Variants in ZNF441 observed in about 807,000 individuals in gnomAD.
ZNF441 encodes zinc finger protein 441.
A neutral mutation model predicts 64.5 loss-of-function variants in ZNF441; 25 were observed. The ratio of observed to expected loss-of-function variants is 0.39; its 90% CI spans 0.28 to 0.54. The LOEUF is 0.54. ZNF441 is among the 20% of genes least tolerant of loss of function. ZNF441 has a pLI of 0.70. For synonymous variants in ZNF441, 262 were observed against 268.0 expected, an observed-to-expected ratio of 0.98 and a Z score of 0.22; for missense variants, 715 against 843.3, an observed-to-expected ratio of 0.85 and a Z score of 1.88.
intron 1 of ZNF441, among the ~76,000 whole-genome samples, chr19:11,771,659 G>A (rs1184215945): frequency 6.6e-6 from 1 of 152,054 alleles, no homozygotes; most frequent in Non-Finnish European, 1.5e-5. Context: ...GGTGTGACCA[G>A]AAGACAAGTG....
At chr19:11,779,268 C>T (rs1277906694) in intron 3 of ZNF441, among the ~76,000 whole-genome samples, 1 of 150,154 alleles carries the variant, frequency 6.7e-6, no homozygotes, top group Non-Finnish European at 1.5e-5. Flanking sequence ...GCAGTAAGCC[C>T]TGTTCACATT....
Position 11,781,026 on chromosome 19 carries a change from G to C in ZNF441, c.1202G>C (p.Ser401Thr), listed in dbSNP as rs1277759282. Residue 401 changes from serine (S) to threonine (T), a missense_variant, in exon 4 of 4, where the codon AGT (serine) becomes ACT (threonine). This residue lies in a region of ZNF441 where 316 missense variants were observed against 429.3 expected (regional missense o/e 0.74). Coordinates refer to ENST00000357901, the MANE Select transcript of ZNF441 (RefSeq NM_152355.3). ...AAATGTGAATGTGGGAAAGCCTTTA[G>C]TGATTTCTATTACTTTCGAAATCAT... Reference protein sequence around the residue: ...PYKCECGKAFSDFYYFRNHET... With the variant: ...PYKCECGKAFTDFYYFRNHET... 4 of 1,613,846 alleles carry C rather than the reference G, an allele frequency of 2.5e-6. No individual in the cohort carries two copies. The East Asian group carries it at 8.9e-5, about 36-fold the overall frequency.
At position 11,782,848 on chromosome 19, in the gene ZNF441, T is replaced by C. The variant is rs753872909; in HGVS notation, c.*942T>C. The C allele has an allele frequency of 2.2e-4, 34 of 152,178 alleles. No homozygotes were observed. Among genetic ancestry groups the C allele is most frequent in the Non-Finnish European group, 2.1e-4 (14 of 68,018 alleles). 9.4% of individuals were successfully genotyped at this position (152,178 alleles called of 1,614,324 possible). Reference sequence around the variant, plus strand: ...GGACCTACTGAATCTGTAAAACTACTAGAAGAAAACATATTGAAAATACTT... The same window carrying C: ...GGACCTACTGAATCTGTAAAACTACCAGAAGAAAACATATTGAAAATACTT... On this transcript the variant is annotated 3_prime_UTR_variant, in exon 4 of 4. Coordinates refer to ENST00000357901, the MANE Select transcript of ZNF441 (RefSeq NM_152355.3).
At chr19:11,768,904 G>A (rs1024885305) in intron 1 of ZNF441, among the ~76,000 whole-genome samples, 5 of 152,196 alleles carry the variant, frequency 3.3e-5, no homozygotes, top group Non-Finnish European at 7.3e-5. Context: ...CTAAGGACAG[G>A]AAAACCAACT....
intron 3 of ZNF441, 57 bp downstream of exon 3, chr19:11,778,450 A>C (rs1975371297): frequency 1.5e-6 from 2 of 1,315,426 alleles, no homozygotes; most frequent in African/African-American, 1.5e-5. Context: ...AGTATGCCAG[A>C]AATTTTATTT....
chr19:11,768,481 T>A (rs1273489041), intron 1 of ZNF441, among the ~76,000 whole-genome samples: 1 of 152,256 alleles, frequency 6.6e-6, no homozygotes, highest in African/African-American at 2.4e-5. Context: ...GTCTTTGGAT[T>A]AAGTTTCCTC....
Position 11,767,053 on chromosome 19 carries a change from G to C in ZNF441, c.-141G>C. 7.7e-7 allele frequency: 1 copy of C among 1,298,374 alleles called. No homozygotes were observed. The highest frequency in any genetic ancestry group is 1.1e-6 in the Non-Finnish European group (1 of 934,386). The allele number at this position is 1,298,374 out of a possible 1,614,324, so 80.4% of individuals were successfully genotyped here. On this transcript the variant is annotated 5_prime_UTR_variant, in exon 1 of 4. Transcript: ENST00000357901. This position sits in a 1 kb window ranked among gnomAD's most constrained non-coding sequence, Gnocchi z 5.1. ...GTGCAAGGTTCAAAGAGCCCGCCGA[G>C]TCTTCTCCACGCCCCTGCACTGGGC...
rs760533229 is a variant in ZNF441 at position 11,780,147 on chromosome 19, G to A, written c.323G>A (p.Cys108Tyr). The A allele has an allele frequency of 1.9e-5, 30 of 1,614,180 alleles. 2 individuals carry two copies. The South Asian group carries it at 3.2e-4, about 17-fold the overall frequency. ...PGVDPWESSE[C>Y]TDVLMGRSSL... is the part of the protein sequence containing the mutation. ...GTAGATCCATGGGAAAGCAGTGAGT[G>A]TACAGACGTCCTCATGGGTCGTTCA... Residue 108 changes from cysteine to tyrosine, a missense_variant, in exon 4 of 4, where the codon TGT becomes TAT. Transcript: ENST00000357901.
At chr19:11,772,893 A>G (rs988214920) in intron 1 of ZNF441, among the ~76,000 whole-genome samples, 2 of 152,190 alleles carry the variant, frequency 1.3e-5, no homozygotes, top group African/African-American at 2.4e-5. Flanking sequence ...TCCTGGGTTC[A>G]CACCATTCTC....
In ZNF441 at chr19:11,767,067, C is replaced by T. The variant is rs1975275622; in HGVS notation, c.-127C>T. The stretch of plus-strand genomic sequence containing the variant: ...GAGCCCGCCGAGTCTTCTCCACGCC[C>T]CTGCACTGGGCTCCGGGTTCTGTCA... On this transcript the variant is annotated 5_prime_UTR_variant, in exon 1 of 4. Coordinates refer to ENST00000357901, the MANE Select transcript of ZNF441 (RefSeq NM_152355.3). The surrounding 1 kb of genome is among the most constrained non-coding windows in gnomAD (Gnocchi z 5.1). 2.1e-6 allele frequency: 3 copies of T among 1,428,114 alleles called. No individual in the cohort carries two copies. The highest frequency in any genetic ancestry group is 2.0e-5 in the Admixed American group (1 of 49,946). The allele number at this position is 1,428,114 out of a possible 1,614,324, so 88.5% of individuals were successfully genotyped here. A position where few individuals can be genotyped will look rare whatever the true frequency, so the allele number is the denominator to read the frequency against.
In ZNF441 at chr19:11,783,622, A is replaced by G. The variant is rs1416948542; in HGVS notation, c.*1716A>G. 1.3e-5 allele frequency: 2 copies of G among 152,242 alleles called. No individual in the cohort carries two copies. The highest frequency in any genetic ancestry group is 4.8e-5 in the African/African-American group (2 of 41,458). 9.4% of individuals were successfully genotyped at this position (152,242 alleles called of 1,614,324 possible). A position where few individuals can be genotyped will look rare whatever the true frequency, so the allele number is the denominator to read the frequency against. On this transcript the variant is annotated 3_prime_UTR_variant, in exon 4 of 4. Coordinates refer to ENST00000357901, the MANE Select transcript of ZNF441 (RefSeq NM_152355.3). ...AGAGTAAAATGTTATTGCTAACAACATGGATGGAACTTGAGGTCATTATGG... is the reference window on the plus strand; with the variant it reads ...AGAGTAAAATGTTATTGCTAACAACGTGGATGGAACTTGAGGTCATTATGG...
chr19:11,777,643 C>T lies in ZNF441; in HGVS notation c.36C>T (p.Asn12=). 6.2e-7 allele frequency: 1 copy of T among 1,613,630 alleles called. No individual in the cohort carries two copies. The change falls in exon 2 of 4, where the codon AAC becomes AAT. Residue 12 remains asparagine (N), a synonymous_variant. Transcript: ENST00000357901. ...TGGCATTTGAGGATGTGGCTATAAA[C>T]TTCACCTGTGAGGAGTGGGCTTTGC... ...DSVAFEDVAI[N]FTCEEWALLG... is the part of the protein sequence containing the mutation.
chr19:11,780,421 G>C lies in ZNF441; in HGVS notation c.597G>C (p.Lys199Asn). The change falls in exon 4 of 4, where the codon AAG (lysine) becomes AAC (asparagine). Residue 199 changes from lysine to asparagine, a missense_variant. By Grantham distance (94) the Lys-to-Asn change is moderately conservative (BLOSUM62 0). Around this residue, in one of 2 missense-constraint regions of ZNF441, gnomAD observed 399 missense variants for 413.9 expected, o/e 0.96. Coordinates refer to ENST00000357901, the MANE Select transcript of ZNF441 (RefSeq NM_152355.3). ...AHHGDGPRIC[K>N]LCGNAFIWPS... ...ATGGAGATGGACCTCGTATATGTAA[G>C]TTGTGTGGAAACGCCTTTATTTGGC... 3.1e-6 allele frequency: 5 copies of C among 1,614,210 alleles called. No homozygotes were observed. Among genetic ancestry groups the C allele is most frequent in the Non-Finnish European group, 4.2e-6 (5 of 1,180,044 alleles).
In ZNF441 at chr19:11,781,836, A is replaced by G. The variant is rs138221659; in HGVS notation, c.2012A>G (p.Tyr671Cys). 61 of 1,613,102 alleles carry G rather than the reference A, an allele frequency of 3.8e-5. 1 individual carries two copies. Among genetic ancestry groups the G allele is most frequent in the South Asian group, 2.6e-4 (24 of 91,014 alleles). ...HERTHSMEKP[Y>C]KCKECGEAFH... is the part of the protein sequence containing the mutation. The stretch of plus-strand genomic sequence containing the variant: ...AGGACCCACAGTATGGAGAAACCCT[A>G]TAAGTGTAAAGAATGTGGGGAAGCA... Residue 671 changes from tyrosine (Y) to cysteine (C), a missense_variant, in exon 4 of 4, where the codon TAT (tyrosine) becomes TGT (cysteine). By Grantham distance (194) the Tyr-to-Cys change is radical. Coordinates refer to ENST00000357901, the MANE Select transcript of ZNF441 (RefSeq NM_152355.3).
intron 1 of ZNF441, among the ~76,000 whole-genome samples, chr19:11,770,226 A>C (rs557264907): frequency 1.3e-5 from 2 of 152,264 alleles, no homozygotes; most frequent in East Asian, 3.9e-4. Context: ...GCAAGACAGC[A>C]TGTGAAAGAG....
At chr19:11,768,585 C>T (rs756069661) in intron 1 of ZNF441, among the ~76,000 whole-genome samples, 16 of 152,160 alleles carry the variant, frequency 1.1e-4, no homozygotes, top group Non-Finnish European at 2.2e-4. Context: ...CCCAAGATGC[C>T]CACAGCTGCC....
intron 1 of ZNF441, among the ~76,000 whole-genome samples, chr19:11,775,527 C>T (rs1975347679): frequency 6.6e-6 from 1 of 151,742 alleles, no homozygotes; most frequent in Non-Finnish European, 1.5e-5. Flanking sequence ...GACGGGGTTT[C>T]ACCGTGTTAG....
chr19:11,767,185 A>G lies in ZNF441; in HGVS notation c.-9A>G. 1 of 1,559,214 alleles carries G rather than the reference A, an allele frequency of 6.4e-7. No homozygotes were observed. The highest frequency in any genetic ancestry group is 8.7e-7 in the Non-Finnish European group (1 of 1,151,570). On this transcript the variant is annotated 5_prime_UTR_variant, in exon 1 of 4. Coordinates refer to ENST00000357901, the MANE Select transcript of ZNF441 (RefSeq NM_152355.3). This position sits in a 1 kb window ranked among gnomAD's most constrained non-coding sequence, Gnocchi z 5.1. ...CAGAGGGAGGAACCTGGACGCCGGA[A>G]GCCGGGAAATGGTGAGTGTGTGAGG... is the stretch of plus-strand genomic sequence containing the variant.
In ZNF441 at chr19:11,777,747, T is replaced by C. The variant is rs45559636; in HGVS notation, c.130+10T>C. ...AACCTGGACTGTATAGGTAAGGATG[T>C]CATCATGTCTTCACTTAGTCAATTA... is the stretch of plus-strand genomic sequence containing the variant. On this transcript the variant is annotated intron_variant, in intron 2 of 3. Coordinates refer to ENST00000357901, the MANE Select transcript of ZNF441 (RefSeq NM_152355.3). The C allele has an allele frequency of 6.3e-7, 1 of 1,599,226 alleles. No individual in the cohort carries two copies. The highest frequency in any genetic ancestry group is 8.5e-7 in the Non-Finnish European group (1 of 1,175,252).
Sources: gnomAD v4.1 joint callset for allele counts (sites outside exome capture counted in the v4.1 genomes callset) on GRCh38, gnomAD v4.1.1 for gene constraint, gnomAD v4.1.1 regional missense constraint, Gnocchi (gnomAD v3.1) non-coding constraint, MANE v1.5 for transcripts, NCBI Gene and HGNC (gene_info 2026-07-23, HGNC 2026-07-21) for gene names.